The following SPSB1 variants were observed in gnomAD, a reference collection of about 807,000 sequenced individuals.
SPSB1 encodes the protein splA/ryanodine receptor domain and SOCS box containing 1.
A neutral mutation model predicts 21.2 loss-of-function variants in SPSB1; 8 were observed. The observed-to-expected ratio is 0.38, with a 90% CI of 0.22 to 0.68. The LOEUF (loss-of-function observed/expected upper bound fraction) is 0.68. Ranked by LOEUF, SPSB1 falls within the 30% of genes least tolerant of loss-of-function variation. The probability of loss-of-function intolerance (pLI) is 0.53; values close to 1 mark genes in which losing one functional copy is unlikely to be tolerated. For synonymous variants in SPSB1, 169 were observed against 161.7 expected, an observed-to-expected ratio of 1.05 and a Z score of -0.34; for missense variants, 242 against 377.8, an observed-to-expected ratio of 0.64 and a Z score of 2.98.
intron 1 of SPSB1, among the ~76,000 whole-genome samples, chr1:9,353,632 G>C (rs924044884): frequency 6.6e-6 from 1 of 152,138 alleles, no homozygotes; most frequent in African/African-American, 2.4e-5. Flanking sequence ...AGAACCCTCT[G>C]TCTATGGCTG....
At chr1:9,314,202 A>G (rs1159140626) in intron 1 of SPSB1, among the ~76,000 whole-genome samples, 1 of 151,938 alleles carries the variant, frequency 6.6e-6, no homozygotes, top group Admixed American at 6.5e-5. Flanking sequence ...AAACAAAAAA[A>G]ACAGTGAACG....
intron 1 of SPSB1, among the ~76,000 whole-genome samples, chr1:9,322,921 G>A (rs548046121): frequency 3.0e-4 from 46 of 151,186 alleles, no homozygotes; most frequent in African/African-American, 1.1e-3. Flanking sequence ...GTCTGGCTGC[G>A]TCAGACGTCT....
rs1557441106 is a variant in SPSB1, at chr1:9,292,947, AGGCGCC to A, written c.-265_-260del. ...GCGCTCGCAGCAGGAACCAGGCTCC[AGGCGCC>A]GGCGCCGGGGCCGGGGCCGCGGGGA... On this transcript the variant is annotated 5_prime_UTR_variant, in exon 1 of 3. Coordinates refer to ENST00000328089, the MANE Select transcript of SPSB1 (RefSeq NM_025106.4). 5.5e-6 allele frequency: 4 copies of A among 726,158 alleles called. No individual in the cohort carries two copies. The Admixed American group carries it at 2.0e-3, about 357-fold the overall frequency. The allele number at this position is 726,158 out of a possible 1,614,324, so 45.0% of individuals were successfully genotyped here. A position where few individuals can be genotyped will look rare whatever the true frequency, so the allele number is the denominator to read the frequency against.
chr1:9,295,822 C>T (rs1484239497), intron 1 of SPSB1, among the ~76,000 whole-genome samples: 1 of 152,148 alleles, frequency 6.6e-6, no homozygotes, highest in African/African-American at 2.4e-5. Context: ...CATTTTGTAT[C>T]AATTTTTCTC....
Position 9,316,273 on chromosome 1 carries a change from G to T in SPSB1, c.-150+23202G>T, listed in dbSNP as rs1488423559. Among the ~76,000 whole-genome samples, 3 of 152,186 alleles carry T rather than the reference G, an allele frequency of 2.0e-5. No homozygotes were observed. The East Asian group carries it at 5.8e-4, about 29-fold the overall frequency. ...CCTGGGAAGGAGACCCTCCCTGTGG[G>T]TGAGTCACCTGCTTTGGGTGAGTTG... On this transcript the variant is annotated intron_variant, in intron 1 of 2. Transcript: ENST00000328089.
intron 1 of SPSB1, among the ~76,000 whole-genome samples, chr1:9,313,069 A>G (rs2100473084): frequency 6.6e-6 from 1 of 152,316 alleles, no homozygotes; most frequent in Admixed American, 6.5e-5. Flanking sequence ...TGGAATGGGG[A>G]TTACCCATTT....
chr1:9,306,713 G>C (rs1182473504), intron 1 of SPSB1, among the ~76,000 whole-genome samples: 3 of 152,108 alleles, frequency 2.0e-5, no homozygotes, highest in Non-Finnish European at 1.5e-5. Flanking sequence ...TGAGCGATCC[G>C]AGAGATAGGT....
intron 1 of SPSB1, among the ~76,000 whole-genome samples, chr1:9,333,686 C>G (rs1365514323): frequency 6.6e-6 from 1 of 152,190 alleles, no homozygotes; most frequent in African/African-American, 2.4e-5. Context: ...ACAGCCTCAT[C>G]CAGTGTAGGC....
intron 1 of SPSB1, among the ~76,000 whole-genome samples, chr1:9,308,597 A>T (rs1162108374): frequency 2.0e-5 from 3 of 152,242 alleles, no homozygotes; most frequent in Non-Finnish European, 2.9e-5. Context: ...TTCTGCCTGA[A>T]ATAGTCTTCA....
chr1:9,315,017 A>G (rs1271399079), intron 1 of SPSB1, among the ~76,000 whole-genome samples: 1 of 152,246 alleles, frequency 6.6e-6, no homozygotes, highest in Non-Finnish European at 1.5e-5. Context: ...GATGTTGGCA[A>G]ATAATTCAGT....
chr1:9,344,164 T>C (rs1640134520), intron 1 of SPSB1, among the ~76,000 whole-genome samples: 2 of 152,198 alleles, frequency 1.3e-5, no homozygotes, highest in African/African-American at 4.8e-5. Flanking sequence ...GATTCTAAAC[T>C]GTTGAGCCAT....
chr1:9,306,856 C>G (rs1389943896), intron 1 of SPSB1, among the ~76,000 whole-genome samples: 2 of 151,920 alleles, frequency 1.3e-5, no homozygotes, highest in African/African-American at 4.8e-5. Flanking sequence ...AGCAAGATGT[C>G]CTGGACATGC....
chr1:9,315,007 G>C (rs1206686995), intron 1 of SPSB1, among the ~76,000 whole-genome samples: 1 of 152,242 alleles, frequency 6.6e-6, no homozygotes, highest in Non-Finnish European at 1.5e-5. Context: ...GACTTTTTAA[G>C]ATGTTGGCAA....
chr1:9,326,281 G>A (rs55783493), intron 1 of SPSB1, among the ~76,000 whole-genome samples: 3,744 of 152,260 alleles, frequency 0.025, 63 homozygotes, highest in Non-Finnish European at 0.036. Context: ...CAAGGGCTGG[G>A]CAGGTTGCTT....
chr1:9,294,028 CTG>C (rs60016245), intron 1 of SPSB1, among the ~76,000 whole-genome samples: 74,441 of 150,056 alleles, frequency 0.5, 18,931 homozygotes, highest in East Asian at 0.69. Flanking sequence ...CTCTAAGTGA[CTG>C]TGTGTGTGTG....
intron 2 of SPSB1, among the ~76,000 whole-genome samples, chr1:9,364,464 C>T (rs747109744): frequency 1.3e-5 from 2 of 152,202 alleles, no homozygotes; most frequent in African/African-American, 2.4e-5. Context: ...GGGATGTGCT[C>T]CAGGTCAGGC....
intron 1 of SPSB1, among the ~76,000 whole-genome samples, chr1:9,344,622 C>T (rs1311705460): frequency 1.3e-5 from 2 of 152,124 alleles, no homozygotes; most frequent in African/African-American, 2.4e-5. Context: ...TTACTTTGTG[C>T]CTGGAGCTTT....
rs1640608366 is a variant in SPSB1, at chr1:9,368,084, A to G, written c.*509A>G. 6.2e-6 allele frequency: 1 copy of G among 161,974 alleles called. No individual in the cohort carries two copies. The highest frequency in any genetic ancestry group is 1.6e-4 in the South Asian group (1 of 6,202). 10.0% of individuals were successfully genotyped at this position (161,974 alleles called of 1,614,324 possible). ...ATGGCAGATAAAGCTCAGGACGTCA[A>G]AAACTCACCATGGACCCCAAGGCAG... On this transcript the variant is annotated 3_prime_UTR_variant, in exon 3 of 3. Coordinates refer to ENST00000328089, the MANE Select transcript of SPSB1 (RefSeq NM_025106.4).
intron 1 of SPSB1, among the ~76,000 whole-genome samples, chr1:9,315,379 T>C (rs753105691): frequency 6.6e-6 from 1 of 152,238 alleles, no homozygotes; most frequent in Non-Finnish European, 1.5e-5. Flanking sequence ...TGGCTGCCTT[T>C]TGGGTACCAG....
Sources: allele counts gnomAD v4.1 joint callset (sites outside exome capture counted in the v4.1 genomes callset), GRCh38; gene constraint gnomAD v4.1.1; transcripts MANE v1.5; gene names NCBI Gene and HGNC (gene_info 2026-07-23, HGNC 2026-07-21).